Variants in WWC2 observed in about 807,000 individuals in gnomAD.
The protein encoded by WWC2 is WW and C2 domain containing 2, also known as protein WWC2.
In WWC2, 101 loss-of-function variants were observed where a neutral mutation model predicts 138.5. The ratio of observed to expected loss-of-function variants is 0.73; its 90% CI spans 0.62 to 0.86. The LOEUF is 0.86. Ranked by LOEUF, WWC2 falls within the 40% of genes least tolerant of loss-of-function variation. The pLI is 0.00. For synonymous variants in WWC2, 558 were observed against 538.4 expected (o/e 1.04, Z -0.50); for missense variants, 1,420 against 1,419.4 (o/e 1.00, Z -0.01).
chr4:183,148,974 G>A (rs1485236746), intron 1 of WWC2, among the ~76,000 whole-genome samples: 2 of 151,860 alleles, frequency 1.3e-5, no homozygotes, highest in Non-Finnish European at 2.9e-5. Context: ...AGTAGGGAAG[G>A]GCCTTATTTA....
At chr4:183,273,608 A>ATTT (rs1170567766) in intron 16 of WWC2, among the ~76,000 whole-genome samples, 2 of 152,016 alleles carry the variant, frequency 1.3e-5, no homozygotes, top group Non-Finnish European at 2.9e-5. Context: ...CAGCCTGTTT[A>ATTT]TTTTTTTATT....
chr4:183,108,339 C>T (rs1298806746), intron 1 of WWC2, among the ~76,000 whole-genome samples: 1 of 151,982 alleles, frequency 6.6e-6, no homozygotes, highest in East Asian at 1.9e-4. Context: ...TGGTCTTTCT[C>T]CCCCAAAACC....
chr4:183,264,760 T>A (rs992760447), intron 11 of WWC2, among the ~76,000 whole-genome samples: 41 of 152,324 alleles, frequency 2.7e-4, no homozygotes, highest in African/African-American at 8.9e-4. Context: ...AAAAACCATA[T>A]TCTCTTCCAA....
Position 183,276,440 on chromosome 4 carries a change from G to C in WWC2, c.2563-4336G>C, listed in dbSNP as rs1161846105. On this transcript the variant is annotated intron_variant, in intron 16 of 22. Transcript: ENST00000403733. ...TAAATTTTCGTTTTCCCCTCTACTA[G>C]ATCTGCAGTCTTTTATTTTTTGCAG... Among the ~76,000 whole-genome samples, 13 of 150,694 alleles carry C rather than the reference G, an allele frequency of 8.6e-5. 1 individual carries two copies. Among genetic ancestry groups the C allele is most frequent in the East Asian group, 7.8e-4 (4 of 5,134 alleles).
Position 183,249,993 on chromosome 4 carries a change from G to A in WWC2, c.953G>A (p.Ser318Asn). Residue 318 changes from serine to asparagine, a missense_variant and splice_region_variant, in exon 8 of 23, where the codon AGT becomes AAT. By Grantham distance (46) the Ser-to-Asn change is conservative. Transcript: ENST00000403733. ...CTACAGTATGAAGAAGCCAAAAGAA[G>A]GTAATGACAGAGAAGCTGTTTTGTG... ...LSLQYEEAKR[S>N]MANLKIELSK... is the part of the protein sequence containing the mutation. The A allele has an allele frequency of 6.2e-7, 1 of 1,613,216 alleles. No homozygotes were observed. The highest frequency in any genetic ancestry group is 8.5e-7 in the Non-Finnish European group (1 of 1,179,440).
chr4:183,171,705 C>G (rs4351062), intron 1 of WWC2, among the ~76,000 whole-genome samples: 10 of 152,192 alleles, frequency 6.6e-5, no homozygotes, highest in African/African-American at 1.9e-4. Flanking sequence ...TACTCTCCCC[C>G]ACACTTGATT....
intron 21 of WWC2, among the ~76,000 whole-genome samples, chr4:183,309,661 G>A (rs982647206): frequency 3.3e-5 from 5 of 152,214 alleles, no homozygotes; most frequent in Non-Finnish European, 7.3e-5. Context: ...TTAGAAGACA[G>A]TTGTAGATTT....
intron 12 of WWC2, 136 bp from the exon 13 acceptor site, chr4:183,265,552 G>T: frequency 2.2e-6 from 2 of 893,242 alleles, no homozygotes; most frequent in Admixed American, 4.6e-5. Flanking sequence ...AGCTTTCGCT[G>T]GGATCAGTTC....
chr4:183,223,807 T>A (rs576593149), intron 4 of WWC2, among the ~76,000 whole-genome samples: 1 of 152,326 alleles, frequency 6.6e-6, no homozygotes, highest in South Asian at 2.1e-4. Context: ...CTCGGCTCAC[T>A]GCAACGTCTG....
At chr4:183,254,444 A>T (rs1580114100) in intron 9 of WWC2, among the ~76,000 whole-genome samples, 1 of 152,226 alleles carries the variant, frequency 6.6e-6, no homozygotes, top group African/African-American at 2.4e-5. Context: ...AACAGGTCAC[A>T]ACGTACTCAC....
At chr4:183,171,486 A>G (rs557544492) in intron 1 of WWC2, among the ~76,000 whole-genome samples, 1 of 152,320 alleles carries the variant, frequency 6.6e-6, no homozygotes, top group African/African-American at 2.4e-5. Flanking sequence ...ATCTCTGAGC[A>G]AATGTAACTA....
chr4:183,281,428 T>A (rs1443599300), intron 17 of WWC2: 1 of 153,562 alleles, frequency 6.5e-6, no homozygotes. Context: ...TTGTCCAGGT[T>A]CATTTATATA....
chr4:183,151,567 G>T (rs1301491101), intron 1 of WWC2, among the ~76,000 whole-genome samples: 2 of 152,122 alleles, frequency 1.3e-5, no homozygotes, highest in Non-Finnish European at 2.9e-5. Context: ...GTCAATTTTG[G>T]CTTTTGTTGC....
intron 1 of WWC2, among the ~76,000 whole-genome samples, chr4:183,139,468 T>G (rs1024184104): frequency 3.9e-5 from 6 of 152,146 alleles, no homozygotes; most frequent in Non-Finnish European, 5.9e-5. Context: ...TTCTTTTCCA[T>G]CTCAGTAAAT....
chr4:183,268,467 A>G (rs1449766778), intron 14 of WWC2, among the ~76,000 whole-genome samples: 2 of 152,198 alleles, frequency 1.3e-5, no homozygotes, highest in Non-Finnish European at 2.9e-5. Flanking sequence ...AATTTTCTTA[A>G]CAATATGCTA....
intron 1 of WWC2, among the ~76,000 whole-genome samples, chr4:183,132,647 GT>G (rs979239583): frequency 2.0e-5 from 3 of 151,912 alleles, no homozygotes; most frequent in Non-Finnish European, 2.9e-5. Flanking sequence ...TAGAGACGGG[GT>G]TTCACCGTGT....
intron 1 of WWC2, among the ~76,000 whole-genome samples, chr4:183,135,481 G>A (rs990223117): frequency 6.6e-6 from 1 of 151,762 alleles, no homozygotes; most frequent in Non-Finnish European, 1.5e-5. Context: ...GACAAGTCGA[G>A]AACCTTGTAG....
intron 14 of WWC2, among the ~76,000 whole-genome samples, chr4:183,268,140 A>G (rs1399561194): frequency 6.6e-6 from 1 of 152,202 alleles, no homozygotes; most frequent in African/African-American, 2.4e-5. Flanking sequence ...TTTGAATTAC[A>G]GTTTTTCTAA....
intron 16 of WWC2, among the ~76,000 whole-genome samples, chr4:183,280,569 C>T (rs900416548): frequency 5.9e-5 from 9 of 152,054 alleles, no homozygotes; most frequent in Non-Finnish European, 1.2e-4. Flanking sequence ...CCCTCTAGTC[C>T]TGATTGCCTT....
Sources: gnomAD v4.1 joint callset for allele counts (sites outside exome capture counted in the v4.1 genomes callset) on GRCh38, gnomAD v4.1.1 for gene constraint, MANE v1.5 for transcripts, NCBI Gene and HGNC (gene_info 2026-07-23, HGNC 2026-07-21) for gene names.